Variants in ANGPT1 observed in about 807,000 individuals in gnomAD.
ANGPT1 encodes the protein angiopoietin 1, also known as angiopoietin-1.
ANGPT1 carries 17 observed loss-of-function variants against 62.2 expected under a neutral mutation model. That is an observed-to-expected ratio of 0.27 (90% CI 0.19 to 0.41). ANGPT1 has a LOEUF of 0.41. Ranked by LOEUF, ANGPT1 falls within the 10% of genes least tolerant of loss-of-function variation. The pLI is 1.00. For synonymous variants in ANGPT1, 199 were observed against 198.9 expected (o/e 1.00, Z 0.00); for missense variants, 478 against 594.9 (o/e 0.80, Z 2.04).
intron 1 of ANGPT1, among the ~76,000 whole-genome samples, chr8:107,371,275 G>A (rs2130243911): frequency 6.6e-6 from 1 of 152,328 alleles, no homozygotes; most frequent in Non-Finnish European, 1.5e-5. Context: ...AGAGTCTACT[G>A]ATGCAATTTC....
intron 4 of ANGPT1, among the ~76,000 whole-genome samples, chr8:107,312,273 A>G (rs1814890936): frequency 6.6e-6 from 1 of 152,166 alleles, no homozygotes; most frequent in Non-Finnish European, 1.5e-5. Flanking sequence ...AAGACATTTC[A>G]GGTGTTTCGT....
In ANGPT1 at chr8:107,387,204, G is replaced by A. The variant is rs113219178; in HGVS notation, c.298-40107C>T. ...ACAAAGTGGTAGAAGACAGAGAAAG[G>A]AAGATACTAAGGATCAAAGGTGCCA... On this transcript the variant is annotated intron_variant, in intron 1 of 8. Coordinates refer to ENST00000517746, the MANE Select transcript of ANGPT1 (RefSeq NM_001146.5). 1.9e-3 allele frequency among the ~76,000 whole-genome samples: 286 copies of A among 152,194 alleles called. 2 individuals carry two copies. Among genetic ancestry groups the A allele is most frequent in the African/African-American group, 6.5e-3 (270 of 41,540 alleles).
intron 2 of ANGPT1, among the ~76,000 whole-genome samples, chr8:107,344,949 T>C (rs2130151511): frequency 6.6e-6 from 1 of 152,322 alleles, no homozygotes; most frequent in East Asian, 1.9e-4. Flanking sequence ...AAGCAGAACA[T>C]GTCCTGTTGC....
intron 1 of ANGPT1, among the ~76,000 whole-genome samples, chr8:107,455,259 T>G (rs1262119261): frequency 1.3e-5 from 2 of 152,110 alleles, no homozygotes; most frequent in Non-Finnish European, 2.9e-5. Context: ...TAAGTTTACT[T>G]ATAAATAATG....
At chr8:107,252,052 G>T in intron 8 of ANGPT1, 37 bp from the exon 9 acceptor site, 2 of 1,550,712 alleles carry the variant, frequency 1.3e-6, no homozygotes, top group Admixed American at 1.8e-5. Context: ...GAGAAGGAGA[G>T]GCAACAATTT....
At chr8:107,389,095 G>A (rs1280137087) in intron 1 of ANGPT1, among the ~76,000 whole-genome samples, 3 of 152,088 alleles carry the variant, frequency 2.0e-5, no homozygotes, top group Non-Finnish European at 2.9e-5. Context: ...TGATGACCCA[G>A]TACTAATATG....
intron 1 of ANGPT1, among the ~76,000 whole-genome samples, chr8:107,368,226 C>T (rs1378596567): frequency 6.6e-6 from 1 of 152,174 alleles, no homozygotes; most frequent in African/African-American, 2.4e-5. Context: ...GCATCTCCAT[C>T]AGAGCTCCTG....
At chr8:107,380,047 T>G (rs551116266) in intron 1 of ANGPT1, among the ~76,000 whole-genome samples, 1 of 152,222 alleles carries the variant, frequency 6.6e-6, no homozygotes, top group East Asian at 1.9e-4. Context: ...TGCAAAAATT[T>G]AACAAATCTG....
At chr8:107,404,092 C>T (rs553060466) in intron 1 of ANGPT1, among the ~76,000 whole-genome samples, 49 of 152,198 alleles carry the variant, frequency 3.2e-4, no homozygotes, top group Admixed American at 9.2e-4. Context: ...AGATCAGCTT[C>T]GTGCCGGCCA....
At chr8:107,345,941 A>G (rs960680991) in intron 2 of ANGPT1, among the ~76,000 whole-genome samples, 124 of 152,348 alleles carry the variant, frequency 8.1e-4, no homozygotes, top group Non-Finnish European at 8.8e-5. Flanking sequence ...TGAGTACCCC[A>G]GAGTTTGAAT....
chr8:107,299,756 T>C (rs1586200942), intron 5 of ANGPT1, among the ~76,000 whole-genome samples: 1 of 120,520 alleles, frequency 8.3e-6, no homozygotes, highest in Admixed American at 8.8e-5. Flanking sequence ...TATCTAGATA[T>C]GTAGTTATAT....
intron 1 of ANGPT1, among the ~76,000 whole-genome samples, chr8:107,476,863 T>C (rs1179172048): frequency 1.2e-4 from 18 of 152,200 alleles, no homozygotes. Context: ...TATTTTTATT[T>C]ACTTATGTTC....
intron 1 of ANGPT1, among the ~76,000 whole-genome samples, chr8:107,367,465 T>A (rs902452338): frequency 1.3e-5 from 2 of 152,142 alleles, no homozygotes; most frequent in African/African-American, 4.8e-5. Context: ...GGAGTGGCTG[T>A]GACAATTTTT....
intron 1 of ANGPT1, among the ~76,000 whole-genome samples, chr8:107,365,720 G>A (rs1013877103): frequency 1.3e-5 from 2 of 152,110 alleles, no homozygotes; most frequent in East Asian, 3.9e-4. Flanking sequence ...GCAATCACTA[G>A]AAGAGAATAA....
chr8:107,329,970 A>G (rs1815382806), intron 3 of ANGPT1, among the ~76,000 whole-genome samples: 1 of 152,116 alleles, frequency 6.6e-6, no homozygotes, highest in Non-Finnish European at 1.5e-5. Context: ...AAACAGGTAC[A>G]GGGCTATCAC....
intron 5 of ANGPT1, among the ~76,000 whole-genome samples, chr8:107,295,754 G>C (rs926560901): frequency 6.6e-6 from 1 of 152,096 alleles, no homozygotes; most frequent in Non-Finnish European, 1.5e-5. Flanking sequence ...CAAAGAAAAA[G>C]TTTATCGAGC....
At chr8:107,410,553 T>C (rs1817247798) in intron 1 of ANGPT1, among the ~76,000 whole-genome samples, 1 of 152,130 alleles carries the variant, frequency 6.6e-6, no homozygotes, top group Non-Finnish European at 1.5e-5. Flanking sequence ...GGAAACTGTC[T>C]TGTCTGAAAA....
Position 107,472,728 on chromosome 8 carries a change from A to G in ANGPT1, c.297+24534T>C, listed in dbSNP as rs1308471276. Among the ~76,000 whole-genome samples, 3 of 151,942 alleles carry G rather than the reference A, an allele frequency of 2.0e-5. No individual in the cohort carries two copies. The South Asian group carries it at 6.2e-4, about 31-fold the overall frequency. ...ACAGGTAAAGCAGCCTGCTCAATAA[A>G]CACCTATAATCCATCACTTGCTGAA... On this transcript the variant is annotated intron_variant, in intron 1 of 8. Transcript: ENST00000517746.
intron 1 of ANGPT1, among the ~76,000 whole-genome samples, chr8:107,475,929 T>G (rs530400671): frequency 1.2e-3 from 190 of 152,178 alleles, no homozygotes; most frequent in African/African-American, 4.0e-3. Flanking sequence ...AAAAAGTCAG[T>G]AAACAACAGG....
Sources: gnomAD v4.1 joint callset for allele counts (sites outside exome capture counted in the v4.1 genomes callset) on GRCh38, gnomAD v4.1.1 for gene constraint, MANE v1.5 for transcripts, NCBI Gene and HGNC (gene_info 2026-07-23, HGNC 2026-07-21) for gene names.